Variants in COBL observed in about 807,000 individuals in gnomAD.
The protein encoded by COBL is cordon-bleu WH2 repeat protein, also known as protein cordon-bleu.
A neutral mutation model predicts 98.8 loss-of-function variants in COBL; 51 were observed. That is an observed-to-expected ratio of 0.52 (90% CI 0.41 to 0.65). The LOEUF is 0.65. COBL is among the 30% of genes least tolerant of loss of function. The pLI, the probability that COBL is intolerant of heterozygous loss-of-function variation, is 0.00. For synonymous variants in COBL, 634 were observed against 651.7 expected, an observed-to-expected ratio of 0.97 and a Z score of 0.41; for missense variants, 1,617 against 1,617.5, an observed-to-expected ratio of 1.00 and a Z score of 0.01.
intron 5 of COBL, among the ~76,000 whole-genome samples, chr7:51,142,511 G>A (rs1048749942): frequency 6.0e-5 from 9 of 150,572 alleles, no homozygotes; most frequent in Non-Finnish European, 1.0e-4. Flanking sequence ...AGCCTCCTGA[G>A]TAACTGGGAT....
intron 2 of COBL, among the ~76,000 whole-genome samples, chr7:51,209,201 C>A (rs1363325944): frequency 6.6e-6 from 1 of 152,094 alleles, no homozygotes; most frequent in Non-Finnish European, 1.5e-5. Flanking sequence ...TACAAGAATC[C>A]CTAAAGTGCC....
At chr7:51,249,702 TAAC>T (rs1348950999) in intron 1 of COBL, among the ~76,000 whole-genome samples, 1 of 152,288 alleles carries the variant, frequency 6.6e-6, no homozygotes, top group Middle Eastern at 3.4e-3. Flanking sequence ...TTGATCAGAA[TAAC>T]AACTGGATTA....
chr7:51,147,063 G>A (rs1204229420), intron 5 of COBL, among the ~76,000 whole-genome samples: 2 of 152,222 alleles, frequency 1.3e-5, no homozygotes, highest in African/African-American at 4.8e-5. Flanking sequence ...AGAAGGCACT[G>A]CAGAGGGGAG....
At chr7:51,091,544 G>A (rs1263524002) in intron 6 of COBL, among the ~76,000 whole-genome samples, 1 of 152,028 alleles carries the variant, frequency 6.6e-6, no homozygotes, top group African/African-American at 2.4e-5. Context: ...AATGCCAAGG[G>A]GATGAAAATA....
At chr7:51,232,363 G>T (rs1794830264) in intron 1 of COBL, among the ~76,000 whole-genome samples, 1 of 152,140 alleles carries the variant, frequency 6.6e-6, no homozygotes, top group South Asian at 2.1e-4. Flanking sequence ...GGAGGGCAGA[G>T]TTGAGAGTTC....
rs181832233 is a variant in COBL at position 51,155,554 on chromosome 7, C to T, written c.784-19223G>A. 1.1e-4 allele frequency among the ~76,000 whole-genome samples: 14 copies of T among 127,798 alleles called. No homozygotes were observed. The East Asian group carries it at 3.7e-3, about 33-fold the overall frequency. 83.8% of individuals were successfully genotyped at this position (127,798 alleles called of 152,430 possible). A position where few individuals can be genotyped will look rare whatever the true frequency, so the allele number is the denominator to read the frequency against. ...GCAGTGAGCTGAGATCATGCCACTG[C>T]ACTCCAGCCTAGGTGACAGAGCAAG... On this transcript the variant is annotated intron_variant, in intron 5 of 12. Coordinates refer to ENST00000265136, the MANE Select transcript of COBL (RefSeq NM_015198.5).
intron 1 of COBL, among the ~76,000 whole-genome samples, chr7:51,265,493 G>C (rs891215028): frequency 1.3e-5 from 2 of 152,248 alleles, no homozygotes; most frequent in Admixed American, 6.5e-5. Flanking sequence ...AGGTGAGGCA[G>C]GGTGTTTGCA....
At chr7:51,239,187 T>C (rs951781058) in intron 1 of COBL, among the ~76,000 whole-genome samples, 2 of 152,114 alleles carry the variant, frequency 1.3e-5, no homozygotes, top group Non-Finnish European at 2.9e-5. Context: ...CTGGGTAAAA[T>C]TAGGCTGAGA....
chr7:51,228,569 A>C (rs1404580075), intron 1 of COBL, among the ~76,000 whole-genome samples: 1 of 152,204 alleles, frequency 6.6e-6, no homozygotes, highest in African/African-American at 2.4e-5. Context: ...GGAAGCTTTC[A>C]GTAACTCAAC....
chr7:51,065,494 T>C lies in COBL; in HGVS notation c.1096+19672A>G, dbSNP rs781114217. 26 of 669,744 alleles carry C rather than the reference T, an allele frequency of 3.9e-5. 1 individual carries two copies. The South Asian group carries it at 4.2e-4, about 11-fold the overall frequency. The allele number at this position is 669,744 out of a possible 1,614,324, so 41.5% of individuals were successfully genotyped here. A position where few individuals can be genotyped will look rare whatever the true frequency, so the allele number is the denominator to read the frequency against. On this transcript the variant is annotated intron_variant, in intron 7 of 12. Transcript: ENST00000265136. ...ATTCAAAGTCAGGGCAGAGGCCGAA[T>C]GCACGCAGGAATGGTGGTTCACATA...
intron 6 of COBL, among the ~76,000 whole-genome samples, chr7:51,103,521 TA>T (rs1484227892): frequency 3.5e-4 from 53 of 152,342 alleles, no homozygotes; most frequent in African/African-American, 1.2e-3. Context: ...CCATGTGGCA[TA>T]CTAAGAAAGG....
chr7:51,022,190 C>T (rs1358074272), intron 12 of COBL, among the ~76,000 whole-genome samples: 3 of 151,934 alleles, frequency 2.0e-5, no homozygotes, highest in African/African-American at 4.8e-5. Context: ...GCTTTCAGCC[C>T]GGGAGCATCT....
intron 1 of COBL, among the ~76,000 whole-genome samples, chr7:51,314,395 C>G (rs1384303578): frequency 3.3e-5 from 5 of 152,202 alleles, no homozygotes; most frequent in Non-Finnish European, 5.9e-5. Context: ...CAAACACTGC[C>G]TTAATCTCAG....
At chr7:51,037,078 C>G (rs1788721321) in intron 8 of COBL, among the ~76,000 whole-genome samples, 1 of 152,106 alleles carries the variant, frequency 6.6e-6, no homozygotes, top group Admixed American at 6.5e-5. Context: ...CTCTCTCTCT[C>G]TTATATACAC....
chr7:51,181,640 G>C (rs1788965316), intron 5 of COBL, among the ~76,000 whole-genome samples: 1 of 152,120 alleles, frequency 6.6e-6, no homozygotes, highest in African/African-American at 2.4e-5. Flanking sequence ...CCTCAACCTT[G>C]GCCCAGATAA....
chr7:51,067,532 ACATGTATGTGTG>A (rs1562867502), intron 7 of COBL, among the ~76,000 whole-genome samples: 1 of 152,220 alleles, frequency 6.6e-6, no homozygotes, highest in Non-Finnish European at 1.5e-5. Flanking sequence ...GCATGTATGC[ACATGTATGTGTG>A]CATGTATACA....
intron 6 of COBL, among the ~76,000 whole-genome samples, chr7:51,096,368 G>A (rs1405494162): frequency 1.3e-5 from 2 of 151,996 alleles, no homozygotes; most frequent in East Asian, 3.8e-4. Context: ...TTCAGGCAAA[G>A]CAATTCTAAG....
intron 2 of COBL, among the ~76,000 whole-genome samples, chr7:51,207,894 G>T (rs1289372335): frequency 1.4e-5 from 2 of 142,454 alleles, no homozygotes; most frequent in Admixed American, 1.4e-4. Context: ...GCCGCCCATC[G>T]TCTGGGATGT....
chr7:51,160,176 G>A (rs1308125013), intron 5 of COBL, among the ~76,000 whole-genome samples: 1 of 152,190 alleles, frequency 6.6e-6, no homozygotes, highest in African/African-American at 2.4e-5. Flanking sequence ...ACAGGCATGA[G>A]CCACCATGTC....
Sources: allele counts gnomAD v4.1 joint callset (sites outside exome capture counted in the v4.1 genomes callset), GRCh38; gene constraint gnomAD v4.1.1; transcripts MANE v1.5; gene names NCBI Gene and HGNC (gene_info 2026-07-23, HGNC 2026-07-21).